The following IL12B variants were observed in gnomAD, a reference collection of about 807,000 sequenced individuals.
The protein encoded by IL12B is interleukin-12 subunit beta.
In IL12B, 27 loss-of-function variants were observed where a neutral mutation model predicts 39.2. The observed-to-expected ratio is 0.69, with a 90% CI of 0.51 to 0.95. The LOEUF is 0.95. Ranked by LOEUF, IL12B falls within the 40% of genes least tolerant of loss-of-function variation. IL12B has a pLI of 0.00. For synonymous variants in IL12B, 142 were observed against 152.1 expected (o/e 0.93, Z 0.49); for missense variants, 351 against 397.6 (o/e 0.88, Z 1.00).
intron 2 of IL12B, 23 bp downstream of exon 2, chr5:159,326,672 G>A: frequency 6.4e-7 from 1 of 1,551,572 alleles, no homozygotes; most frequent in Non-Finnish European, 8.9e-7. Flanking sequence ...GGCCTCCACA[G>A]AGAATAATGA....
intron 6 of IL12B, 126 bp downstream of exon 6, chr5:159,318,610 A>C (rs1754029318): frequency 1.1e-6 from 1 of 925,396 alleles, no homozygotes; most frequent in African/African-American, 1.6e-5. Flanking sequence ...TGAATTTCTC[A>C]GAATGTATCC....
chr5:159,326,857 A>T lies in IL12B; in HGVS notation c.1-75T>A, dbSNP rs1754200141. ...AAGAGGAAGAAAAAAGAGAAGAAAG[A>T]ATGTCAATAATTCTTGTTACCTTTG... On this transcript the variant is annotated intron_variant, in intron 1 of 7. Transcript: ENST00000231228. The T allele has an allele frequency of 3.2e-6, 3 of 924,020 alleles. No homozygotes were observed. The Admixed American group carries it at 5.4e-5, about 16-fold the overall frequency. The allele number at this position is 924,020 out of a possible 1,614,324, so 57.2% of individuals were successfully genotyped here. A position where few individuals can be genotyped will look rare whatever the true frequency, so the allele number is the denominator to read the frequency against.
chr5:159,320,014 T>A (rs1458283578), intron 5 of IL12B, among the ~76,000 whole-genome samples: 1 of 152,180 alleles, frequency 6.6e-6, no homozygotes, highest in African/African-American at 2.4e-5. Context: ...TCATGGAAAC[T>A]ATCTGGCAGC....
intron 3 of IL12B, 86 bp from the exon 4 acceptor site, chr5:159,322,597 G>T: frequency 1.1e-6 from 1 of 885,660 alleles, no homozygotes; most frequent in Non-Finnish European, 1.9e-6. Context: ...TCACCAGATG[G>T]TACAGGGTGA....
intron 3 of IL12B, 132 bp from the exon 4 acceptor site, chr5:159,322,643 A>G (rs942840564): frequency 4.2e-6 from 3 of 713,934 alleles, no homozygotes; most frequent in Non-Finnish European, 7.6e-6. Context: ...GTAGCTCCAT[A>G]AGGATTGGGA....
chr5:159,320,676 C>T (rs1754071937), intron 4 of IL12B, among the ~76,000 whole-genome samples, 156 bp from the exon 5 acceptor site: 1 of 152,158 alleles, frequency 6.6e-6, no homozygotes, highest in African/African-American at 2.4e-5. Flanking sequence ...AACTGCCCTC[C>T]CCAGGAGAAA....
Position 159,320,476 on chromosome 5 carries a change from G to A in IL12B, c.527C>T (p.Ser176Phe). 6.2e-7 allele frequency: 1 copy of A among 1,614,198 alleles called. No individual in the cohort carries two copies. The highest frequency in any genetic ancestry group is 8.5e-7 in the Non-Finnish European group (1 of 1,180,020). Residue 176 changes from serine to phenylalanine, a missense_variant, in exon 5 of 8, where the codon TCT (serine) becomes TTT (phenylalanine). Coordinates refer to ENST00000231228, the MANE Select transcript of IL12B (RefSeq NM_002187.3). ...GTTGTCCCCTCTGACTCTCTCTGCA[G>A]AGAGTGTAGCAGCTCCGCACGTCAC... is the stretch of plus-strand genomic sequence containing the variant. ...QGVTCGAATLSAERVRGDNKE... is the reference protein window; with the variant it reads ...QGVTCGAATLFAERVRGDNKE...
At chr5:159,321,774 A>T (rs918430992) in intron 4 of IL12B, among the ~76,000 whole-genome samples, 1 of 152,240 alleles carries the variant, frequency 6.6e-6, no homozygotes, top group African/African-American at 2.4e-5. Context: ...TAAAGTCAGG[A>T]TGATCACCTG....
intron 5 of IL12B, among the ~76,000 whole-genome samples, chr5:159,319,600 G>T (rs1258824984): frequency 6.6e-6 from 1 of 152,226 alleles, no homozygotes; most frequent in Non-Finnish European, 1.5e-5. Flanking sequence ...GCTCCTAGCA[G>T]GTGCTTCGCA....
Position 159,320,302 on chromosome 5 carries a change from T to G in IL12B, c.697+4A>C. 6.2e-7 allele frequency: 1 copy of G among 1,613,034 alleles called. No homozygotes were observed. The highest frequency in any genetic ancestry group is 8.5e-7 in the Non-Finnish European group (1 of 1,179,068). ...TGGAGCACATATAATCATCCAAAAC[T>G]CACTGATGTCCCTGATGAAGAAGCT... On this transcript the variant is annotated splice_donor_region_variant and intron_variant, in intron 5 of 7. Coordinates refer to ENST00000231228, the MANE Select transcript of IL12B (RefSeq NM_002187.3).
At chr5:159,324,184 G>A (rs931308687) in intron 2 of IL12B, among the ~76,000 whole-genome samples, 5 of 152,076 alleles carry the variant, frequency 3.3e-5, no homozygotes, top group African/African-American at 1.2e-4. Context: ...TAATGAAGAA[G>A]CGTACTGAGG....
In IL12B at chr5:159,320,423, G is replaced by A; in HGVS notation, c.580C>T (p.Gln194Ter). The change falls in exon 5 of 8, where the codon CAG (glutamine) becomes TAG (stop). Residue 194 changes from glutamine (Q) to a stop codon, truncating the protein, a stop_gained. Coordinates refer to ENST00000231228, the MANE Select transcript of IL12B (RefSeq NM_002187.3). LOFTEE classifies it high-confidence loss of function. ...NKEYEYSVEC[Q>*]EDSACPAAEE... ...GCAGCTGGGCAGGCACTGTCCTCCT[G>A]GCACTCCACTGAGTACTCATACTCC... 6.2e-7 allele frequency: 1 copy of A among 1,614,062 alleles called. No individual in the cohort carries two copies. Among genetic ancestry groups the A allele is most frequent in the Non-Finnish European group, 8.5e-7 (1 of 1,179,950 alleles).
Position 159,323,227 on chromosome 5 carries a change from T to C in IL12B, c.191A>G (p.Gln64Arg), listed in dbSNP as rs150659914. The C allele has an allele frequency of 2.5e-6, 4 of 1,614,040 alleles. No individual in the cohort carries two copies. The African/African-American group carries it at 5.3e-5, about 22-fold the overall frequency. ...GCCAGAGCCTAAGACCTCACTGCTC[T>C]GGTCCAAGGTCCAGGTGATACCATC... ...EEDGITWTLD[Q>R]SSEVLGSGKT... The change falls in exon 3 of 8, where the codon CAG becomes CGG. Residue 64 changes from glutamine to arginine, a missense_variant. Transcript: ENST00000231228.
intron 4 of IL12B, among the ~76,000 whole-genome samples, chr5:159,321,358 TATATATATAC>T (rs1754087065): frequency 7.7e-6 from 1 of 129,756 alleles, no homozygotes; most frequent in Admixed American, 8.2e-5. Flanking sequence ...TATATATATA[TATATATATAC>T]ACACACACAC....
rs540857937 is a variant in IL12B, at chr5:159,314,859, A to G, written c.*1242T>C. The G allele has an allele frequency of 1.3e-5, 2 of 152,452 alleles. No individual in the cohort carries two copies. The highest frequency in any genetic ancestry group is 3.8e-4 in the East Asian group (2 of 5,320). The allele number at this position is 152,452 out of a possible 1,614,324, so 9.4% of individuals were successfully genotyped here. On this transcript the variant is annotated 3_prime_UTR_variant, in exon 8 of 8. Coordinates refer to ENST00000231228, the MANE Select transcript of IL12B (RefSeq NM_002187.3). ...AAATAAATAAACAAACAGGAAACAA[A>G]TGTAATCACTTTACAGAGCGCACAT...
chr5:159,321,225 G>A (rs1754084053), intron 4 of IL12B, among the ~76,000 whole-genome samples: 1 of 151,606 alleles, frequency 6.6e-6, no homozygotes, highest in Admixed American at 6.6e-5. Flanking sequence ...GGCTGGTCTT[G>A]AACTCCTGGC....
chr5:159,325,513 T>C (rs1754169921), intron 2 of IL12B: 1 of 152,238 alleles, frequency 6.6e-6, no homozygotes. Flanking sequence ...CCTTAATTTA[T>C]GTCCATTTCC....
At chr5:159,325,893 AC>A in intron 2 of IL12B, among the ~76,000 whole-genome samples, 1 of 152,350 alleles carries the variant, frequency 6.6e-6, no homozygotes, top group East Asian at 1.9e-4. Context: ...GTCAGAATGC[AC>A]ATTTACTGAG....
chr5:159,330,083 C>T (rs191703341), intron 1 of IL12B, among the ~76,000 whole-genome samples: 1 of 152,272 alleles, frequency 6.6e-6, no homozygotes, highest in African/African-American at 2.4e-5. Flanking sequence ...CTCACTTTAG[C>T]TCTATACAAT....
Sources: gnomAD v4.1 joint callset for allele counts (sites outside exome capture counted in the v4.1 genomes callset) on GRCh38, gnomAD v4.1.1 for gene constraint, MANE v1.5 for transcripts, NCBI Gene and HGNC (gene_info 2026-07-23, HGNC 2026-07-21) for gene names.